Variants in RALGPS1 observed in about 807,000 individuals in gnomAD.
RALGPS1 encodes ras-specific guanine nucleotide-releasing factor RalGPS1.
RALGPS1 carries 19 observed loss-of-function variants against 78.8 expected under a neutral mutation model. The observed-to-expected ratio is 0.24, with a 90% CI of 0.17 to 0.35. The LOEUF is 0.35. Among genes scored for constraint, RALGPS1 ranks in the 10% least tolerant of loss-of-function variants. RALGPS1 has a pLI of 1.00. For missense variants in RALGPS1, 454 were observed against 688.3 expected (o/e 0.66, Z 3.81); for synonymous variants, 228 against 256.3 (o/e 0.89, Z 1.06).
At chr9:126,974,675 A>G (rs964401675) in intron 3 of RALGPS1, among the ~76,000 whole-genome samples, 1 of 152,120 alleles carries the variant, frequency 6.6e-6, no homozygotes, top group African/African-American at 2.4e-5. Flanking sequence ...TGGACATCCT[A>G]TGTTAATGCT....
intron 9 of RALGPS1, among the ~76,000 whole-genome samples, chr9:127,166,758 A>T (rs2059312628): frequency 6.6e-6 from 1 of 152,138 alleles, no homozygotes; most frequent in Non-Finnish European, 1.5e-5. Flanking sequence ...GAGAAGGGAA[A>T]TGATGTGGTA....
chr9:126,965,457 C>T lies in RALGPS1; in HGVS notation c.58-387C>T, dbSNP rs528724315. ...ATTGGGCTGTAATTTTTTTACCCCA[C>T]CACTAAACCACTGGCCAGAGAAAGT... On this transcript the variant is annotated intron_variant, in intron 2 of 18. Coordinates refer to ENST00000259351, the MANE Select transcript of RALGPS1 (RefSeq NM_014636.3). 1.2e-4 allele frequency among the ~76,000 whole-genome samples: 18 copies of T among 152,290 alleles called. No individual in the cohort carries two copies. In the East Asian group the frequency reaches 3.5e-3, roughly 29 times the overall value.
chr9:127,040,828 C>T (rs1368993327), intron 5 of RALGPS1, among the ~76,000 whole-genome samples: 5 of 152,098 alleles, frequency 3.3e-5, no homozygotes, highest in Non-Finnish European at 7.3e-5. Context: ...TTCACACGGA[C>T]TTTTTTCACT....
chr9:127,068,363 G>C (rs2049895393), intron 7 of RALGPS1, among the ~76,000 whole-genome samples: 1 of 152,152 alleles, frequency 6.6e-6, no homozygotes, highest in Non-Finnish European at 1.5e-5. Flanking sequence ...GCAAATAGCT[G>C]TGGATGCAGG....
chr9:127,002,553 G>A (rs545793270), intron 4 of RALGPS1, among the ~76,000 whole-genome samples: 2 of 147,236 alleles, frequency 1.4e-5, no homozygotes, highest in South Asian at 2.2e-4. Context: ...CCACTAGCTC[G>A]TCATCTAGCA....
intron 7 of RALGPS1, among the ~76,000 whole-genome samples, chr9:127,063,860 A>C (rs1442109509): frequency 6.6e-6 from 1 of 152,202 alleles, no homozygotes; most frequent in Non-Finnish European, 1.5e-5. Context: ...AATTATTTGA[A>C]TATTCAAAAT....
intron 7 of RALGPS1, among the ~76,000 whole-genome samples, chr9:127,068,210 A>G (rs115173642): frequency 1.0e-3 from 154 of 152,174 alleles, no homozygotes; most frequent in African/African-American, 3.1e-3. Context: ...AAATTACCAC[A>G]CCCAGTGTAA....
chr9:127,099,691 A>G (rs1206594645), intron 8 of RALGPS1, among the ~76,000 whole-genome samples: 1 of 152,220 alleles, frequency 6.6e-6, no homozygotes, highest in African/African-American at 2.4e-5. Context: ...GGATGTATAT[A>G]TATTCTATGT....
intron 4 of RALGPS1, among the ~76,000 whole-genome samples, chr9:127,028,676 A>C (rs560035194): frequency 6.6e-6 from 1 of 152,290 alleles, no homozygotes; most frequent in African/African-American, 2.4e-5. Context: ...TTTGAGCATT[A>C]TTTAATTTAA....
At chr9:126,933,167 G>A (rs1450311773) in intron 1 of RALGPS1, among the ~76,000 whole-genome samples, 1 of 152,206 alleles carries the variant, frequency 6.6e-6, no homozygotes, top group Non-Finnish European at 1.5e-5. Context: ...GCCAGCAGGG[G>A]AGGCCAGAGA....
chr9:126,956,364 A>G (rs1037890430), intron 1 of RALGPS1, among the ~76,000 whole-genome samples: 1 of 152,162 alleles, frequency 6.6e-6, no homozygotes, highest in Non-Finnish European at 1.5e-5. Context: ...CTGAGCCTTG[A>G]AAAGGACAGT....
chr9:127,218,983 T>C lies in RALGPS1; in HGVS notation c.*214T>C, dbSNP rs925514027. The stretch of plus-strand genomic sequence containing the variant: ...CCAGCGACTCTCATGACACTCATTC[T>C]GCAGCACCGCCTCTTGGGGCAGTGG... On this transcript the variant is annotated 3_prime_UTR_variant, in exon 19 of 19. Coordinates refer to ENST00000259351, the MANE Select transcript of RALGPS1 (RefSeq NM_014636.3). This position sits in a 1 kb window ranked among gnomAD's most constrained non-coding sequence, Gnocchi z 4.4. 1 of 602,104 alleles carries C rather than the reference T, an allele frequency of 1.7e-6. No homozygotes were observed. The highest frequency in any genetic ancestry group is 1.9e-5 in the African/African-American group (1 of 54,048). The allele number at this position is 602,104 out of a possible 1,614,324, so 37.3% of individuals were successfully genotyped here. A position where few individuals can be genotyped will look rare whatever the true frequency, so the allele number is the denominator to read the frequency against.
chr9:127,216,947 C>A (rs769548398), intron 18 of RALGPS1: 2 of 1,547,686 alleles, frequency 1.3e-6, no homozygotes, highest in Non-Finnish European at 1.7e-6. Flanking sequence ...CTGACAGCCA[C>A]GAGGTGGACC....
intron 18 of RALGPS1, chr9:127,216,995 T>A: frequency 6.5e-7 from 1 of 1,537,538 alleles, no homozygotes. Flanking sequence ...CAGGGCCCTG[T>A]GCCTGAAGCC....
In RALGPS1 at chr9:126,964,680, A is replaced by G. The variant is rs905265017; in HGVS notation, c.58-1164A>G. 2.2e-5 allele frequency among the ~76,000 whole-genome samples: 3 copies of G among 136,218 alleles called. No homozygotes were observed. In the South Asian group the frequency reaches 7.9e-4, roughly 36 times the overall value. 89.4% of individuals were successfully genotyped at this position (136,218 alleles called of 152,430 possible). A position where few individuals can be genotyped will look rare whatever the true frequency, so the allele number is the denominator to read the frequency against. On this transcript the variant is annotated intron_variant, in intron 2 of 18. Coordinates refer to ENST00000259351, the MANE Select transcript of RALGPS1 (RefSeq NM_014636.3). ...TAAGATCATCTTAAGAGTTTTTGGT[A>G]TAGTAGACTCATTTTAAAATCTTTT...
At chr9:127,147,830 T>G (rs1433929615) in intron 8 of RALGPS1, among the ~76,000 whole-genome samples, 2 of 152,228 alleles carry the variant, frequency 1.3e-5, no homozygotes, top group East Asian at 3.9e-4. Flanking sequence ...GGTGGTGGTG[T>G]TATCATTATC....
At chr9:127,027,436 C>T (rs1033240826) in intron 4 of RALGPS1, among the ~76,000 whole-genome samples, 4 of 152,164 alleles carry the variant, frequency 2.6e-5, no homozygotes, top group African/African-American at 9.7e-5. Context: ...CTTCATTGTT[C>T]TCTCACATAT....
intron 4 of RALGPS1, among the ~76,000 whole-genome samples, chr9:126,989,163 G>T (rs1455811166): frequency 6.6e-6 from 1 of 152,152 alleles, no homozygotes; most frequent in Non-Finnish European, 1.5e-5. Context: ...GTTAGGGGAA[G>T]GGGAGGGAAG....
chr9:126,946,885 AG>A (rs1225419564), intron 1 of RALGPS1, among the ~76,000 whole-genome samples: 2 of 152,194 alleles, frequency 1.3e-5, no homozygotes, highest in Non-Finnish European at 2.9e-5. Context: ...TGGTGGCTGC[AG>A]GGGAGGATTT....
Sources: allele counts gnomAD v4.1 joint callset (sites outside exome capture counted in the v4.1 genomes callset), GRCh38; gene constraint gnomAD v4.1.1; non-coding constraint Gnocchi (gnomAD v3.1); transcripts MANE v1.5; gene names NCBI Gene and HGNC (gene_info 2026-07-23, HGNC 2026-07-21).